The following DLL1 variants were observed in gnomAD, a reference collection of about 807,000 sequenced individuals.
DLL1 encodes delta-like protein 1.
A neutral mutation model predicts 75.1 loss-of-function variants in DLL1; 9 were observed. The observed-to-expected ratio is 0.12, with a 90% CI of 0.07 to 0.21. The LOEUF (loss-of-function observed/expected upper bound fraction) is 0.21. DLL1 is among the 10% of genes least tolerant of loss of function. The pLI, the probability that DLL1 is intolerant of heterozygous loss-of-function variation, is 1.00. For missense variants in DLL1, 837 were observed against 1,007.6 expected, an observed-to-expected ratio of 0.83 and a Z score of 2.29; for synonymous variants, 477 against 418.3, an observed-to-expected ratio of 1.14 and a Z score of -1.71.
chr6:170,289,616 C>T lies in DLL1; in HGVS notation c.247G>A (p.Val83Ile), dbSNP rs754403841. ...GAGTCGACGCCCAGCACGGGGGTGACGGCGCTGCCGTAGGTGCAGGGCGGC... is the reference window on the plus strand; with the variant it reads ...GAGTCGACGCCCAGCACGGGGGTGATGGCGCTGCCGTAGGTGCAGGGCGGC... ...PEPPCTYGSA[V>I]TPVLGVDSFS... The change falls in exon 2 of 11, where the codon GTC becomes ATC. Residue 83 changes from valine to isoleucine, a missense_variant. Val to Ile is a conservative substitution (Grantham distance 29, BLOSUM62 3). Around this residue, in one of 2 missense-constraint regions of DLL1, gnomAD observed 304 missense variants for 461.9 expected, o/e 0.66. Transcript: ENST00000366756. The T allele has an allele frequency of 2.6e-6, 4 of 1,536,780 alleles. No individual in the cohort carries two copies. In the South Asian group the frequency reaches 4.8e-5, roughly 18 times the overall value.
In DLL1 at chr6:170,282,862, C is replaced by A; in HGVS notation, c.*12G>T. The stretch of plus-strand genomic sequence containing the variant: ...TTAAGAGAAACGGGAGTCTTGCCAT[C>A]TCACTTCCATTTTACACCTGGGGGG... On this transcript the variant is annotated 3_prime_UTR_variant, in exon 11 of 11. Transcript: ENST00000366756. The A allele has an allele frequency of 6.2e-7, 1 of 1,614,202 alleles. No homozygotes were observed. The highest frequency in any genetic ancestry group is 2.2e-5 in the East Asian group (1 of 44,880).
Position 170,283,319 on chromosome 6 carries a change from C to T in DLL1, c.1960G>A (p.Val654Ile), listed in dbSNP as rs775884511. ...TCACGCTTGCTGTGCGCGTCCCTGA[C>T]GGCGGTGTCGTCACCCTTGAGGTCC... ...VQDLKGDDTA[V>I]RDAHSKRDTK... Residue 654 changes from valine to isoleucine, a missense_variant, in exon 9 of 11, where the codon GTC becomes ATC. This residue lies in a region of DLL1 where 533 missense variants were observed against 545.7 expected (regional missense o/e 0.98). Transcript: ENST00000366756. 21 of 1,613,030 alleles carry T rather than the reference C, an allele frequency of 1.3e-5. No individual in the cohort carries two copies. The highest frequency in any genetic ancestry group is 1.7e-5 in the Non-Finnish European group (20 of 1,180,046).
intron 4 of DLL1, among the ~76,000 whole-genome samples, chr6:170,287,364 T>C (rs1044106574): frequency 1.3e-5 from 2 of 152,182 alleles, no homozygotes; most frequent in Admixed American, 6.5e-5. Context: ...CTGGAGTTTC[T>C]GGGCAGCTCC....
chr6:170,284,026 G>A lies in DLL1; in HGVS notation c.1253C>T (p.Ala418Val). The stretch of plus-strand genomic sequence containing the variant: ...GGCATCACCGAGGTCCACACACTTG[G>A]CACCTGGAACACAGGGACATGAACA... ...YCSSSPCSNG[A>V]KCVDLGDAYL... Residue 418 changes from alanine to valine, a missense_variant, in exon 9 of 11, where the codon GCC (alanine) becomes GTC (valine). By Grantham distance (64) the Ala-to-Val change is moderately conservative. Coordinates refer to ENST00000366756, the MANE Select transcript of DLL1 (RefSeq NM_005618.4). 1 of 1,568,612 alleles carries A rather than the reference G, an allele frequency of 6.4e-7. No individual in the cohort carries two copies. Among genetic ancestry groups the A allele is most frequent in the Non-Finnish European group, 8.6e-7 (1 of 1,164,884 alleles).
At chr6:170,286,419 T>C (rs1462836453) in intron 4 of DLL1, 121 bp from the exon 5 acceptor site, 2 of 1,275,656 alleles carry the variant, frequency 1.6e-6, no homozygotes, top group Non-Finnish European at 2.3e-6. Context: ...TGAGTTAATC[T>C]TCCCAGGTTG....
chr6:170,283,857 C>T lies in DLL1; in HGVS notation c.1422G>A (p.Thr474=), dbSNP rs3734776. 0.039 allele frequency: 61,984 copies of T among 1,605,048 alleles called. 9,953 individuals are homozygous for T. The East Asian group carries it at 0.59, about 15-fold the overall frequency. The change falls in exon 9 of 11, where the codon ACG becomes ACA. Residue 474 remains threonine (T), a synonymous_variant. Transcript: ENST00000366756. ...TGACGGGGGCACTGCAGTTCCTGCCCGTGTAGCCAGGCGGGCAGGTGCAGG... is the reference window on the plus strand; with the variant it reads ...TGACGGGGGCACTGCAGTTCCTGCCTGTGTAGCCAGGCGGGCAGGTGCAGG... ...DFSCTCPPGY[T]GRNCSAPVSR... is the part of the protein sequence containing the mutation.
rs1160753961 is a variant in DLL1 at position 170,285,383 on chromosome 6, T to A, written c.903A>T (p.Gly301=). ...CCTGGCCCGTGTTGGTGCAGGTGGC[T>A]CCATTCTTGCAGGGCTTATGGTGTG... The part of the protein sequence containing the change: ...YCTHHKPCKN[G]ATCTNTGQGS... Residue 301 remains glycine, a synonymous_variant, in exon 7 of 11, where the codon GGA becomes GGT. Coordinates refer to ENST00000366756, the MANE Select transcript of DLL1 (RefSeq NM_005618.4). 1 of 1,614,212 alleles carries A rather than the reference T, an allele frequency of 6.2e-7. No homozygotes were observed. Among genetic ancestry groups the A allele is most frequent in the Non-Finnish European group, 8.5e-7 (1 of 1,180,046 alleles).
rs1783621623 is a variant in DLL1 at position 170,283,595 on chromosome 6, AG to A, written c.1683del (p.Cys562ValfsTer10). 6.2e-7 allele frequency: 1 copy of A among 1,612,450 alleles called. No homozygotes were observed. Among genetic ancestry groups the A allele is most frequent in the African/African-American group, 1.3e-5 (1 of 74,936 alleles). ...CGGACGCAGACCACCACAGCGGCAC[AG>A]CCCAGCAGCAGCATGAGGACAAGGA... is the stretch of plus-strand genomic sequence containing the variant. ...GVILVLMLLL[G>X]CAAVVVCVRL... On this transcript the variant is annotated frameshift_variant, in exon 9 of 11. Transcript: ENST00000366756. LOFTEE classifies it high-confidence loss of function.
rs1232281773 is a variant in DLL1, at chr6:170,282,540, A to C, written c.*334T>G. The C allele has an allele frequency of 2.1e-6, 1 of 476,866 alleles. No individual in the cohort carries two copies. Among genetic ancestry groups the C allele is most frequent in the African/African-American group, 1.9e-5 (1 of 52,042 alleles). 29.5% of individuals were successfully genotyped at this position (476,866 alleles called of 1,614,324 possible). A position where few individuals can be genotyped will look rare whatever the true frequency, so the allele number is the denominator to read the frequency against. On this transcript the variant is annotated 3_prime_UTR_variant, in exon 11 of 11. Transcript: ENST00000366756. ...AGTGTTTGTGTTTCTAATTCAAGAA[A>C]AGACTGGCTCATAAGAATCCAAAAT...
Position 170,283,825 on chromosome 6 carries a change from C to T in DLL1, c.1454G>A (p.Cys485Tyr), listed in dbSNP as rs1373981110. 3.1e-6 allele frequency: 5 copies of T among 1,597,314 alleles called. No homozygotes were observed. The highest frequency in any genetic ancestry group is 1.3e-5 in the African/African-American group (1 of 74,620). Residue 485 changes from cysteine to tyrosine, a missense_variant, in exon 9 of 11, where the codon TGC becomes TAC. Coordinates refer to ENST00000366756, the MANE Select transcript of DLL1 (RefSeq NM_005618.4). The part of the protein sequence containing the change: ...GRNCSAPVSR[C>Y]EHAPCHNGAT... ...CCCATTGTGGCAGGGTGCGTGCTCGCACCTGCTGACGGGGGCACTGCAGTT... is the reference window on the plus strand; with the variant it reads ...CCCATTGTGGCAGGGTGCGTGCTCGTACCTGCTGACGGGGGCACTGCAGTT...
At chr6:170,289,269 C>T in intron 2 of DLL1, 1 of 663,386 alleles carries the variant, frequency 1.5e-6, no homozygotes, top group South Asian at 1.6e-5. Context: ...ATCTCCCGGG[C>T]GCGCTCGGCC....
At chr6:170,289,176 C>A in intron 2 of DLL1, 1 of 615,446 alleles carries the variant, frequency 1.6e-6, no homozygotes, top group South Asian at 1.7e-5. Context: ...GCCACCAACG[C>A]GTCTAGGAGT....
chr6:170,288,060 C>T, intron 4 of DLL1, 179 bp downstream of exon 4: 1 of 887,426 alleles, frequency 1.1e-6, no homozygotes, highest in Non-Finnish European at 1.7e-6. Flanking sequence ...CTGCGTTGAC[C>T]CCAACCCCCC....
In DLL1 at chr6:170,290,363, A is replaced by AG; in HGVS notation, c.-225dup. ...CCCTGCGAGGTCCCGCGGCAGCCCC[A>AG]GGGATGCCCGAGGAAAGGCAGCTCT... On this transcript the variant is annotated 5_prime_UTR_variant, in exon 1 of 11. Transcript: ENST00000366756. This position sits in a 1 kb window ranked among gnomAD's most constrained non-coding sequence, Gnocchi z 4.7. The AG allele has an allele frequency of 2.3e-6, 1 of 436,016 alleles. No individual in the cohort carries two copies. Among genetic ancestry groups the AG allele is most frequent in the Admixed American group, 4.4e-5 (1 of 22,698 alleles). The allele number at this position is 436,016 out of a possible 1,614,324, so 27.0% of individuals were successfully genotyped here.
chr6:170,287,918 C>G (rs974528928), intron 4 of DLL1, among the ~76,000 whole-genome samples: 5 of 152,168 alleles, frequency 3.3e-5, no homozygotes, highest in African/African-American at 1.2e-4. Context: ...TCCTCCTCTC[C>G]CTCTCTAATA....
chr6:170,290,797 T>G lies in DLL1; in HGVS notation c.-658A>C. ...GCGTCTTTCCGATGAATCCAGCCAA[T>G]GCCATCCAGTACACACGCGCAGGAC... On this transcript the variant is annotated 5_prime_UTR_variant, in exon 1 of 11. Coordinates refer to ENST00000366756, the MANE Select transcript of DLL1 (RefSeq NM_005618.4). This position sits in a 1 kb window ranked among gnomAD's most constrained non-coding sequence, Gnocchi z 4.7. 1.7e-6 allele frequency: 1 copy of G among 574,656 alleles called. No individual in the cohort carries two copies. The highest frequency in any genetic ancestry group is 3.1e-6 in the Non-Finnish European group (1 of 322,938). The allele number at this position is 574,656 out of a possible 1,614,324, so 35.6% of individuals were successfully genotyped here. A position where few individuals can be genotyped will look rare whatever the true frequency, so the allele number is the denominator to read the frequency against.
rs1292604290 is a variant in DLL1, at chr6:170,290,468, T to C, written c.-329A>G. 3.0e-6 allele frequency: 1 copy of C among 334,532 alleles called. No individual in the cohort carries two copies. Among genetic ancestry groups the C allele is most frequent in the Non-Finnish European group, 5.4e-6 (1 of 185,516 alleles). 20.7% of individuals were successfully genotyped at this position (334,532 alleles called of 1,614,324 possible). The stretch of plus-strand genomic sequence containing the variant: ...GAGGAGGTGAGGGTCGCCGGCTTCC[T>C]GGTTTTGTCTTGAGCTTCTTCGCAG... On this transcript the variant is annotated 5_prime_UTR_variant, in exon 1 of 11. Coordinates refer to ENST00000366756, the MANE Select transcript of DLL1 (RefSeq NM_005618.4). This position sits in a 1 kb window ranked among gnomAD's most constrained non-coding sequence, Gnocchi z 4.7.
chr6:170,285,752 G>A, intron 5 of DLL1, 53 bp from the exon 6 acceptor site: 1 of 1,611,846 alleles, frequency 6.2e-7, no homozygotes, highest in Non-Finnish European at 8.5e-7. Flanking sequence ...TGGCTTTGCA[G>A]TGGACATTCT....
In DLL1 at chr6:170,285,104, G is replaced by A; in HGVS notation, c.1064C>T (p.Pro355Leu). 1 of 1,614,110 alleles carries A rather than the reference G, an allele frequency of 6.2e-7. No individual in the cohort carries two copies. Among genetic ancestry groups the A allele is most frequent in the Non-Finnish European group, 8.5e-7 (1 of 1,180,018 alleles). Reference sequence around the variant, plus strand: ...ACAGATTTTGCCGTAGAAGCCGGGTGGGCAGGTACAGGAGTAGCTGTTCTC... The same window carrying A: ...ACAGATTTTGCCGTAGAAGCCGGGTAGGCAGGTACAGGAGTAGCTGTTCTC... ...DLENSYSCTC[P>L]PGFYGKICEL... The change falls in exon 8 of 11, where the codon CCA becomes CTA. Residue 355 changes from proline to leucine, a missense_variant. By Grantham distance (98) the Pro-to-Leu change is moderately conservative. Around this residue, in one of 2 missense-constraint regions of DLL1, gnomAD observed 533 missense variants for 545.7 expected, o/e 0.98. Transcript: ENST00000366756.
Sources: gnomAD v4.1 joint callset for allele counts (sites outside exome capture counted in the v4.1 genomes callset) on GRCh38, gnomAD v4.1.1 for gene constraint, gnomAD v4.1.1 regional missense constraint, Gnocchi (gnomAD v3.1) non-coding constraint, MANE v1.5 for transcripts, NCBI Gene and HGNC (gene_info 2026-07-23, HGNC 2026-07-21) for gene names.